LINGO2: variants seen among roughly 807,000 people sequenced by gnomAD.
LINGO2 encodes the protein leucine-rich repeat and immunoglobulin-like domain-containing nogo receptor-interacting protein 2.
Under a neutral mutation model 30.6 loss-of-function variants are expected in LINGO2, and 14 were observed. The ratio of observed to expected loss-of-function variants is 0.46; its 90% CI spans 0.30 to 0.72. The LOEUF (loss-of-function observed/expected upper bound fraction) is 0.72, where lower values mean the gene tolerates loss of function less well. LINGO2 is among the 30% of genes least tolerant of loss of function. The pLI is 0.07. For missense variants in LINGO2, 729 were observed against 751.7 expected (o/e 0.97, Z 0.35); for synonymous variants, 317 against 288.5 (o/e 1.10, Z -1.00).
chr9:29,039,564 C>A, the LINGO2 span, among the ~76,000 whole-genome samples: 1 of 152,158 alleles, frequency 6.6e-6, no homozygotes, highest in Non-Finnish European at 1.5e-5. Flanking sequence ...GATCACAAAT[C>A]ATTCCCAGTT....
At chr9:29,163,970 A>C in the LINGO2 span, among the ~76,000 whole-genome samples, 1 of 152,144 alleles carries the variant, frequency 6.6e-6, no homozygotes, top group Non-Finnish European at 1.5e-5. Context: ...AGTATGGATT[A>C]AGTGATGCTA....
the LINGO2 span, among the ~76,000 whole-genome samples, chr9:29,105,070 C>A: frequency 2.0e-5 from 3 of 152,118 alleles, no homozygotes; most frequent in Non-Finnish European, 4.4e-5. Context: ...AACCCAAACA[C>A]CTTGTATTTT....
chr9:28,516,544 T>C (rs1324846534), intron 1 of LINGO2, among the ~76,000 whole-genome samples: 1 of 152,164 alleles, frequency 6.6e-6, no homozygotes, highest in African/African-American at 2.4e-5. Context: ...TCAGGGGACC[T>C]GGAAAAATTA....
At chr9:28,727,580 G>A in the LINGO2 span, among the ~76,000 whole-genome samples, 3,812 of 152,132 alleles carry the variant, frequency 0.025, 76 homozygotes, top group Admixed American at 0.041. Flanking sequence ...GAGCCACCAC[G>A]CCCGGCCAAA....
chr9:27,997,051 G>A (rs1821700778), intron 5 of LINGO2, among the ~76,000 whole-genome samples: 1 of 151,996 alleles, frequency 6.6e-6, no homozygotes, highest in Non-Finnish European at 1.5e-5. Flanking sequence ...TCCAAAAGAG[G>A]AATTTAATAT....
intron 1 of LINGO2, among the ~76,000 whole-genome samples, chr9:28,548,738 T>A (rs60056216): frequency 6.7e-6 from 1 of 148,384 alleles, no homozygotes; most frequent in Admixed American, 6.7e-5. Flanking sequence ...AAATATTTGA[T>A]TCTATATAAT....
chr9:28,911,894 T>C, the LINGO2 span, among the ~76,000 whole-genome samples: 4 of 152,140 alleles, frequency 2.6e-5, no homozygotes, highest in African/African-American at 9.7e-5. Context: ...TCATATTACA[T>C]ACACCAGAGA....
chr9:29,064,114 A>T, the LINGO2 span, among the ~76,000 whole-genome samples: 1 of 152,150 alleles, frequency 6.6e-6, no homozygotes, highest in Non-Finnish European at 1.5e-5. Context: ...AATATCAATA[A>T]TCATGACATG....
At chr9:28,552,586 C>A (rs936946468) in intron 1 of LINGO2, among the ~76,000 whole-genome samples, 5 of 151,678 alleles carry the variant, frequency 3.3e-5, no homozygotes, top group African/African-American at 1.2e-4. Flanking sequence ...AACATGGTCA[C>A]ATGGTGAGTC....
At chr9:28,106,175 C>T (rs371906836) in intron 4 of LINGO2, among the ~76,000 whole-genome samples, 9 of 152,120 alleles carry the variant, frequency 5.9e-5, no homozygotes, top group South Asian at 4.2e-4. Flanking sequence ...CCTCCGAGTC[C>T]GTGGAAAAAC....
At chr9:28,294,684 G>A (rs1341469580) in intron 4 of LINGO2, among the ~76,000 whole-genome samples, 1 of 152,108 alleles carries the variant, frequency 6.6e-6, no homozygotes, top group Non-Finnish European at 1.5e-5. Context: ...AATACAGTAT[G>A]TCATTGTATC....
At chr9:28,550,116 C>T (rs1284627492) in intron 1 of LINGO2, among the ~76,000 whole-genome samples, 1 of 151,814 alleles carries the variant, frequency 6.6e-6, no homozygotes, top group Admixed American at 6.6e-5. Flanking sequence ...ATTTATCCCT[C>T]TCAGAAAGCT....
intron 1 of LINGO2, among the ~76,000 whole-genome samples, chr9:28,574,003 A>G (rs556150560): frequency 3.5e-4 from 53 of 152,316 alleles, no homozygotes; most frequent in African/African-American, 1.2e-3. Context: ...CAATATAAAA[A>G]TTAAACTGGC....
At chr9:28,834,260 G>A in the LINGO2 span, among the ~76,000 whole-genome samples, 18 of 152,146 alleles carry the variant, frequency 1.2e-4, 1 homozygote, top group South Asian at 3.3e-3. Flanking sequence ...CTGAACCCAG[G>A]CCTCTTTCAA....
In LINGO2 at chr9:28,069,015, C is replaced by G. The variant is rs530638856; in HGVS notation, c.-86-56610G>C. On this transcript the variant is annotated intron_variant, in intron 4 of 5. Transcript: ENST00000379992. ...CATGCAATTTGGAAGAACATGTGCA[C>G]AAAAAACTAGAGTACAGAGAAGCAG... Among the ~76,000 whole-genome samples the G allele has an allele frequency of 5.9e-4, 89 of 152,056 alleles. No individual in the cohort carries two copies. In the South Asian group the frequency reaches 0.018, roughly 31 times the overall value.
chr9:28,061,135 C>T (rs1237850515), intron 4 of LINGO2, among the ~76,000 whole-genome samples: 1 of 150,180 alleles, frequency 6.7e-6, no homozygotes, highest in Non-Finnish European at 1.5e-5. Flanking sequence ...AGAGGATAAG[C>T]TCTGCATTCT....
At chr9:28,605,536 A>C (rs1190596431) in intron 1 of LINGO2, among the ~76,000 whole-genome samples, 1 of 152,044 alleles carries the variant, frequency 6.6e-6, no homozygotes, top group African/African-American at 2.4e-5. Context: ...ATCTCTCACT[A>C]AAATGTAAGT....
chr9:29,014,404 G>A, the LINGO2 span, among the ~76,000 whole-genome samples: 1 of 152,112 alleles, frequency 6.6e-6, no homozygotes, highest in Non-Finnish European at 1.5e-5. Flanking sequence ...CTAGTCCTAG[G>A]TGCCATTGCT....
chr9:28,035,537 A>G (rs1420428199), intron 4 of LINGO2, among the ~76,000 whole-genome samples: 1 of 152,226 alleles, frequency 6.6e-6, no homozygotes, highest in Non-Finnish European at 1.5e-5. Context: ...AAATGTAACA[A>G]TTTGATAATT....
Sources: gnomAD v4.1 joint callset for allele counts (sites outside exome capture counted in the v4.1 genomes callset) on GRCh38, gnomAD v4.1.1 for gene constraint, MANE v1.5 for transcripts, NCBI Gene and HGNC (gene_info 2026-07-23, HGNC 2026-07-21) for gene names.